Variants in FN3KRP observed in about 807,000 individuals in gnomAD.
FN3KRP encodes fructosamine 3 kinase related protein, also known as ketosamine-3-kinase.
FN3KRP carries 33 observed loss-of-function variants against 29.8 expected under a neutral mutation model. That is an observed-to-expected ratio of 1.11 (90% CI 0.84 to 1.48). FN3KRP has a LOEUF of 1.48. Among genes scored for constraint, FN3KRP ranks in the 40% most tolerant of loss-of-function variants. The pLI, the probability that FN3KRP is intolerant of heterozygous loss-of-function variation, is 0.00. For missense variants in FN3KRP, 430 were observed against 402.6 expected (o/e 1.07, Z -0.58); for synonymous variants, 157 against 155.2 (o/e 1.01, Z -0.09).
At chr17:82,720,030 G>A (rs1217240693) in intron 2 of FN3KRP, among the ~76,000 whole-genome samples, 1 of 151,932 alleles carries the variant, frequency 6.6e-6, no homozygotes, top group African/African-American at 2.4e-5. Context: ...GCCAGGCATG[G>A]TGGCGGGCAC....
At position 82,716,815 on chromosome 17, in the gene FN3KRP, G is replaced by A; in HGVS notation, c.60G>A (p.Ser20=). The change falls in exon 1 of 6, where the codon TCG becomes TCA. Residue 20 remains serine, a synonymous_variant. Coordinates refer to ENST00000269373, the MANE Select transcript of FN3KRP (RefSeq NM_024619.4). ...GCSSVRATGH[S]GGGCISQGRS... ...GCTCTGTCAGGGCCACGGGCCACTC[G>A]GGGGGCGGGTGCATCAGCCAGGGCC... is the stretch of plus-strand genomic sequence containing the variant. 6.4e-7 allele frequency: 1 copy of A among 1,553,292 alleles called. No homozygotes were observed. The highest frequency in any genetic ancestry group is 8.7e-7 in the Non-Finnish European group (1 of 1,155,750).
chr17:82,717,449 G>A (rs1045529919), intron 1 of FN3KRP, among the ~76,000 whole-genome samples: 3 of 152,226 alleles, frequency 2.0e-5, no homozygotes, highest in Non-Finnish European at 4.4e-5. Context: ...GCCGGGCGCG[G>A]TGGCTCACGC....
Position 82,726,575 on chromosome 17 carries a change from G to A in FN3KRP, c.564G>A (p.Glu188=), listed in dbSNP as rs9902326. ...DMVEKESGDR[E]ALQLWSALQL... is the part of the protein sequence containing the mutation. ...TGGAGAAGGAGTCTGGGGACAGGGAGGCCCTCCAGCTTTGGTCTGCTCTGC... is the reference window on the plus strand; with the variant it reads ...TGGAGAAGGAGTCTGGGGACAGGGAAGCCCTCCAGCTTTGGTCTGCTCTGC... Residue 188 remains glutamate (E), a synonymous_variant, in exon 5 of 6, where the codon GAG becomes GAA. Coordinates refer to ENST00000269373, the MANE Select transcript of FN3KRP (RefSeq NM_024619.4). The A allele has an allele frequency of 2.8e-3, 4,595 of 1,613,984 alleles. 102 individuals are homozygous for A. In the African/African-American group the frequency reaches 0.052, roughly 18 times the overall value.
Position 82,720,353 on chromosome 17 carries a change from G to T in FN3KRP, c.375G>T (p.Ala125=), listed in dbSNP as rs373904593. The T allele has an allele frequency of 1.9e-6, 3 of 1,613,068 alleles. No homozygotes were observed. The highest frequency in any genetic ancestry group is 2.5e-6 in the Non-Finnish European group (3 of 1,179,864). The change falls in exon 3 of 6, where the codon GCG becomes GCT. Residue 125 remains alanine (A), a synonymous_variant. Coordinates refer to ENST00000269373, the MANE Select transcript of FN3KRP (RefSeq NM_024619.4). ...TTGGAGAGATGCGCCTGAAGGAGGC[G>T]GGCACAGTGGGTATGGCACTGCGCG... ...KKLGEMRLKE[A]GTVGRGGGQE... is the part of the protein sequence containing the mutation.
At position 82,727,341 on chromosome 17, in the gene FN3KRP, T is replaced by A; in HGVS notation, c.*170T>A. Reference sequence around the variant, plus strand: ...GAAAGGTTTTGTCATCCCAGCGTTGTCCACTTTGTGGGGCTTTGTAGGTAG... The same window carrying A: ...GAAAGGTTTTGTCATCCCAGCGTTGACCACTTTGTGGGGCTTTGTAGGTAG... On this transcript the variant is annotated 3_prime_UTR_variant, in exon 6 of 6. Coordinates refer to ENST00000269373, the MANE Select transcript of FN3KRP (RefSeq NM_024619.4). The A allele has an allele frequency of 1.6e-6, 1 of 638,844 alleles. No homozygotes were observed. Among genetic ancestry groups the A allele is most frequent in the South Asian group, 2.2e-5 (1 of 45,754 alleles). 39.6% of individuals were successfully genotyped at this position (638,844 alleles called of 1,614,324 possible).
chr17:82,722,184 G>T (rs1292174473), intron 3 of FN3KRP, among the ~76,000 whole-genome samples: 1 of 151,558 alleles, frequency 6.6e-6, no homozygotes, highest in Non-Finnish European at 1.5e-5. Flanking sequence ...GCCCAGGCTG[G>T]AGTGCAATGG....
At chr17:82,718,523 G>A in intron 1 of FN3KRP, 1 of 1,009,728 alleles carries the variant, frequency 9.9e-7, no homozygotes, top group Non-Finnish European at 1.2e-6. Context: ...TCTGTGTCCT[G>A]TAGGTGGAAC....
chr17:82,727,379 T>G lies in FN3KRP; in HGVS notation c.*208T>G. On this transcript the variant is annotated 3_prime_UTR_variant, in exon 6 of 6. Coordinates refer to ENST00000269373, the MANE Select transcript of FN3KRP (RefSeq NM_024619.4). ...GCTTTGTAGGTAGACGGAGCCACAC[T>G]ACAGGCAGGGTATGAGCAGAGGGAT... The G allele has an allele frequency of 1.9e-6, 1 of 539,474 alleles. No homozygotes were observed. Among genetic ancestry groups the G allele is most frequent in the Non-Finnish European group, 3.3e-6 (1 of 303,346 alleles). The allele number at this position is 539,474 out of a possible 1,614,324, so 33.4% of individuals were successfully genotyped here. A position where few individuals can be genotyped will look rare whatever the true frequency, so the allele number is the denominator to read the frequency against.
At chr17:82,724,909 C>T (rs1183117844) in intron 4 of FN3KRP, among the ~76,000 whole-genome samples, 1 of 151,562 alleles carries the variant, frequency 6.6e-6, no homozygotes, top group African/African-American at 2.4e-5. Flanking sequence ...CCCAGGTTCA[C>T]GCCATTCTTC....
rs781050743 is a variant in FN3KRP at position 82,727,125 on chromosome 17, G to T, written c.884G>T (p.Gly295Val). Residue 295 changes from glycine (G) to valine (V), a missense_variant, in exon 6 of 6, where the codon GGG becomes GTG. Physicochemically the swap from Gly to Val is moderately radical, Grantham distance 109. Coordinates refer to ENST00000269373, the MANE Select transcript of FN3KRP (RefSeq NM_024619.4). ...AACCACTGGAATCATTTTGGATCGG[G>T]GTACAGAGGATCCTCCCTGAACATC... ...YLNHWNHFGS[G>V]YRGSSLNIMR... 2.5e-6 allele frequency: 4 copies of T among 1,614,074 alleles called. No individual in the cohort carries two copies. The highest frequency in any genetic ancestry group is 2.5e-6 in the Non-Finnish European group (3 of 1,180,002).
At chr17:82,716,991 G>A (rs1416663574) in intron 1 of FN3KRP, 95 bp downstream of exon 1, 16 of 1,437,274 alleles carry the variant, frequency 1.1e-5, no homozygotes, top group Middle Eastern at 2.3e-4. Flanking sequence ...TCTCCCGCCG[G>A]AGGCCGTGGG....
chr17:82,719,483 G>A (rs993166437), intron 2 of FN3KRP, among the ~76,000 whole-genome samples: 1 of 152,248 alleles, frequency 6.6e-6, no homozygotes, highest in Non-Finnish European at 1.5e-5. Context: ...CGCCGGCCGC[G>A]GTGGCTCACG....
rs777739924 is a variant in FN3KRP at position 82,716,839 on chromosome 17, C to T, written c.84C>T (p.Gly28=). The change falls in exon 1 of 6, where the codon GGC becomes GGT. Residue 28 remains glycine (G), a synonymous_variant. Coordinates refer to ENST00000269373, the MANE Select transcript of FN3KRP (RefSeq NM_024619.4). The part of the protein sequence containing the change: ...GHSGGGCISQ[G]RSYDTDQGRV... ...CGGGGGGCGGGTGCATCAGCCAGGG[C>T]CGGAGCTACGACACGGATCAAGGAC... 4 of 1,560,354 alleles carry T rather than the reference C, an allele frequency of 2.6e-6. No homozygotes were observed. In the South Asian group the frequency reaches 4.7e-5, roughly 18 times the overall value.
intron 2 of FN3KRP, 110 bp downstream of exon 2, chr17:82,719,167 C>A: frequency 9.3e-7 from 1 of 1,076,200 alleles, no homozygotes; most frequent in Non-Finnish European, 1.4e-6. Context: ...GCTTTATTAT[C>A]TGAGCAGGTG....
intron 4 of FN3KRP, among the ~76,000 whole-genome samples, chr17:82,724,851 C>A (rs966955698): frequency 6.6e-6 from 1 of 152,018 alleles, no homozygotes; most frequent in African/African-American, 2.4e-5. Flanking sequence ...CTCTGTCACC[C>A]AGGCTGGAGT....
intron 3 of FN3KRP, among the ~76,000 whole-genome samples, chr17:82,721,276 C>T (rs988254982): frequency 4.6e-5 from 7 of 151,800 alleles, no homozygotes; most frequent in East Asian, 3.9e-4. Flanking sequence ...TTAGTAGAGA[C>T]GGGGTTTCAC....
intron 4 of FN3KRP, among the ~76,000 whole-genome samples, chr17:82,726,040 C>T (rs978037193): frequency 7.9e-5 from 12 of 151,960 alleles, no homozygotes; most frequent in African/African-American, 1.9e-4. Flanking sequence ...ATTAGCCGGG[C>T]GTGGTGGTGC....
intron 1 of FN3KRP, among the ~76,000 whole-genome samples, chr17:82,718,044 G>A (rs2046771249): frequency 7.0e-6 from 1 of 143,184 alleles, no homozygotes; most frequent in East Asian, 2.2e-4. Flanking sequence ...GACCTGTTCT[G>A]CGGGGATCAC....
intron 4 of FN3KRP, among the ~76,000 whole-genome samples, chr17:82,723,234 C>T (rs1047788866): frequency 6.6e-6 from 1 of 152,156 alleles, no homozygotes; most frequent in Admixed American, 6.5e-5. Flanking sequence ...TCCGCATTTC[C>T]ACCTGGGGAG....
Sources: allele counts gnomAD v4.1 joint callset (sites outside exome capture counted in the v4.1 genomes callset), GRCh38; gene constraint gnomAD v4.1.1; transcripts MANE v1.5; gene names NCBI Gene and HGNC (gene_info 2026-07-23, HGNC 2026-07-21).